The following ST6GALNAC3 variants were observed in gnomAD, a reference collection of about 807,000 sequenced individuals.
ST6GALNAC3 encodes the protein alpha-N-acetylgalactosaminide alpha-2,6-sialyltransferase 3.
ST6GALNAC3 carries 25 observed loss-of-function variants against 32.7 expected under a neutral mutation model. The ratio of observed to expected loss-of-function variants is 0.76; its 90% CI spans 0.56 to 1.07. ST6GALNAC3 has a LOEUF of 1.07. Ranked by LOEUF, ST6GALNAC3 falls within the 50% of genes least tolerant of loss-of-function variation. ST6GALNAC3 has a pLI of 0.00. For missense variants in ST6GALNAC3, 355 were observed against 382.4 expected, an observed-to-expected ratio of 0.93 and a Z score of 0.60; for synonymous variants, 129 against 133.1, an observed-to-expected ratio of 0.97 and a Z score of 0.21.
chr1:76,542,545 G>C lies in ST6GALNAC3; in HGVS notation c.624-84907G>C, dbSNP rs185129762. Among the ~76,000 whole-genome samples the C allele has an allele frequency of 3.8e-3, 584 of 152,260 alleles. 1 individual carries two copies. Among genetic ancestry groups the C allele is most frequent in the Admixed American group, 7.1e-3 (109 of 15,288 alleles). ...CTCAGCTACATGGCTACAATATAGAGAGGTTCCTTTTCAGATATGCACACA... is the reference window on the plus strand; with the variant it reads ...CTCAGCTACATGGCTACAATATAGACAGGTTCCTTTTCAGATATGCACACA... On this transcript the variant is annotated intron_variant, in intron 3 of 4. Coordinates refer to ENST00000328299, the MANE Select transcript of ST6GALNAC3 (RefSeq NM_152996.4).
At chr1:76,334,510 A>G (rs1185972426) in intron 2 of ST6GALNAC3, among the ~76,000 whole-genome samples, 1 of 152,226 alleles carries the variant, frequency 6.6e-6, no homozygotes, top group Non-Finnish European at 1.5e-5. Context: ...AAAAGATACC[A>G]TGTTAGAAGT....
intron 2 of ST6GALNAC3, among the ~76,000 whole-genome samples, chr1:76,356,777 G>A (rs1123962): frequency 0.88 from 133,212 of 152,188 alleles, 58,930 homozygotes; most frequent in East Asian, 0.96. Flanking sequence ...GGGATCTTCG[G>A]TGCCTGAGCA....
At chr1:76,171,824 A>C (rs941905041) in intron 1 of ST6GALNAC3, among the ~76,000 whole-genome samples, 1 of 150,102 alleles carries the variant, frequency 6.7e-6, no homozygotes, top group African/African-American at 2.4e-5. Context: ...CAACAAAAAA[A>C]AAAAAAACAA....
At chr1:76,181,211 C>T (rs192083159) in intron 1 of ST6GALNAC3, among the ~76,000 whole-genome samples, 1 of 152,300 alleles carries the variant, frequency 6.6e-6, no homozygotes, top group East Asian at 1.9e-4. Flanking sequence ...TCAGGGAACC[C>T]CCCTGTTTCA....
rs1647975178 is a variant in ST6GALNAC3, at chr1:76,341,604, CTTTT to C, written c.213+27606_213+27609del. Among the ~76,000 whole-genome samples, 3 of 121,394 alleles carry C rather than the reference CTTTT, an allele frequency of 2.5e-5. No individual in the cohort carries two copies. The South Asian group carries it at 8.4e-4, about 34-fold the overall frequency. 79.6% of individuals were successfully genotyped at this position (121,394 alleles called of 152,430 possible). On this transcript the variant is annotated intron_variant, in intron 2 of 4. Transcript: ENST00000328299. ...AGTTCTTTCAGAAATCTCCAAACTGCTTTTCTTTCTTTCTTTCTTTCTTTCTTTC... is the reference window on the plus strand; with the variant it reads ...AGTTCTTTCAGAAATCTCCAAACTGCCTTTCTTTCTTTCTTTCTTTCTTTC...
intron 3 of ST6GALNAC3, among the ~76,000 whole-genome samples, chr1:76,455,726 T>C (rs1323008357): frequency 6.6e-6 from 1 of 152,206 alleles, no homozygotes; most frequent in Non-Finnish European, 1.5e-5. Flanking sequence ...TTTCAACCAG[T>C]ACTCTGTTCC....
intron 1 of ST6GALNAC3, among the ~76,000 whole-genome samples, chr1:76,276,044 T>TAG (rs1438171299): frequency 6.6e-6 from 1 of 152,176 alleles, no homozygotes; most frequent in Non-Finnish European, 1.5e-5. Flanking sequence ...CATCTTCCAG[T>TAG]AGAGAGACAC....
chr1:76,532,920 T>C (rs182000975), intron 3 of ST6GALNAC3, among the ~76,000 whole-genome samples: 79 of 152,216 alleles, frequency 5.2e-4, no homozygotes, highest in African/African-American at 1.9e-3. Context: ...CCTCAGAGAC[T>C]CTGCTTATTA....
chr1:76,158,458 C>T (rs1163430583), intron 1 of ST6GALNAC3, among the ~76,000 whole-genome samples: 2 of 152,184 alleles, frequency 1.3e-5, no homozygotes, highest in African/African-American at 2.4e-5. Context: ...GGTCATAACA[C>T]CTGCAGCCAC....
intron 1 of ST6GALNAC3, among the ~76,000 whole-genome samples, chr1:76,182,801 T>C (rs76662266): frequency 0.016 from 2,451 of 152,200 alleles, 48 homozygotes; most frequent in African/African-American, 0.049. Context: ...AGTCGTAACA[T>C]AGATTTTCAT....
intron 1 of ST6GALNAC3, among the ~76,000 whole-genome samples, chr1:76,142,099 A>G (rs926711278): frequency 6.6e-6 from 1 of 152,186 alleles, no homozygotes; most frequent in African/African-American, 2.4e-5. Context: ...TTAGTCAGGA[A>G]GATGACATCC....
intron 2 of ST6GALNAC3, among the ~76,000 whole-genome samples, chr1:76,351,675 A>C (rs1648986356): frequency 6.6e-6 from 1 of 152,152 alleles, no homozygotes; most frequent in Non-Finnish European, 1.5e-5. Flanking sequence ...TTCAGAGTTT[A>C]TGAGAAGTAG....
chr1:76,396,445 A>G (rs1405141289), intron 2 of ST6GALNAC3, among the ~76,000 whole-genome samples: 4 of 152,226 alleles, frequency 2.6e-5, no homozygotes, highest in Non-Finnish European at 5.9e-5. Context: ...TACTTGGGCA[A>G]CAGAGGGAGA....
intron 3 of ST6GALNAC3, among the ~76,000 whole-genome samples, chr1:76,515,319 T>C (rs1662106055): frequency 6.6e-6 from 1 of 152,152 alleles, no homozygotes; most frequent in Non-Finnish European, 1.5e-5. Context: ...TGGGATCTTA[T>C]CATATTTTTT....
chr1:76,505,884 G>A (rs541804874), intron 3 of ST6GALNAC3, among the ~76,000 whole-genome samples: 5 of 152,242 alleles, frequency 3.3e-5, no homozygotes, highest in African/African-American at 1.2e-4. Context: ...TTCAGTGCCA[G>A]GAACAGTGTC....
intron 1 of ST6GALNAC3, among the ~76,000 whole-genome samples, chr1:76,097,116 G>A (rs981766383): frequency 3.9e-5 from 6 of 151,950 alleles, no homozygotes; most frequent in Non-Finnish European, 7.4e-5. Context: ...ACACGGTTTC[G>A]CCATGTTGGC....
chr1:76,470,650 A>C (rs879381157), intron 3 of ST6GALNAC3, among the ~76,000 whole-genome samples: 1 of 152,084 alleles, frequency 6.6e-6, no homozygotes, highest in Non-Finnish European at 1.5e-5. Context: ...ATAGGGGGGA[A>C]AAATCCAGGG....
intron 2 of ST6GALNAC3, among the ~76,000 whole-genome samples, chr1:76,321,029 T>C (rs1356603828): frequency 6.6e-6 from 1 of 151,858 alleles, no homozygotes; most frequent in African/African-American, 2.4e-5. Context: ...AGTGTGCCTT[T>C]TGCGGTTGTC....
At chr1:76,243,543 A>G (rs758912378) in intron 1 of ST6GALNAC3, among the ~76,000 whole-genome samples, 1 of 152,132 alleles carries the variant, frequency 6.6e-6, no homozygotes, top group Non-Finnish European at 1.5e-5. Context: ...TATGTCCTGA[A>G]TGGTACTGCC....
Sources: allele counts gnomAD v4.1 joint callset (sites outside exome capture counted in the v4.1 genomes callset), GRCh38; gene constraint gnomAD v4.1.1; transcripts MANE v1.5; gene names NCBI Gene and HGNC (gene_info 2026-07-23, HGNC 2026-07-21).